The following KSR1 variants were observed in gnomAD, a reference collection of about 807,000 sequenced individuals.
The protein encoded by KSR1 is kinase suppressor of ras.
In KSR1, 35 loss-of-function variants were observed where a neutral mutation model predicts 92.9. That is an observed-to-expected ratio of 0.38 (90% CI 0.29 to 0.50). KSR1 has a LOEUF of 0.50. KSR1 is among the 20% of genes least tolerant of loss of function. The pLI is 0.94. For synonymous variants in KSR1, 467 were observed against 472.6 expected (o/e 0.99, Z 0.15); for missense variants, 972 against 1,158.5 (o/e 0.84, Z 2.34).
In KSR1 at chr17:27,577,847, T is replaced by A. The variant is rs1407660409; in HGVS notation, c.520+208T>A. 1.0e-5 allele frequency: 7 copies of A among 690,536 alleles called. No individual in the cohort carries two copies. Among genetic ancestry groups the A allele is most frequent in the Middle Eastern group, 2.3e-4 (1 of 4,308 alleles). The allele number at this position is 690,536 out of a possible 1,614,324, so 42.8% of individuals were successfully genotyped here. A position where few individuals can be genotyped will look rare whatever the true frequency, so the allele number is the denominator to read the frequency against. ...TCCTGGTGGGTCTGGCCAGGCCGAA[T>A]CTGAGGGGTTTCAGCCATGGTTAGA... On this transcript the variant is annotated intron_variant, in intron 3 of 20. Coordinates refer to ENST00000644974, the MANE Select transcript of KSR1 (RefSeq NM_001394583.1). The surrounding 1 kb of genome is among the most constrained non-coding windows in gnomAD (Gnocchi z 4.5).
In KSR1 at chr17:27,456,468, G is replaced by T; in HGVS notation, c.-176G>T. 1.9e-5 allele frequency: 7 copies of T among 370,208 alleles called. No homozygotes were observed. Among genetic ancestry groups the T allele is most frequent in the East Asian group, 8.4e-5 (2 of 23,928 alleles). 22.9% of individuals were successfully genotyped at this position (370,208 alleles called of 1,614,324 possible). On this transcript the variant is annotated 5_prime_UTR_variant, in exon 1 of 21. Coordinates refer to ENST00000644974, the MANE Select transcript of KSR1 (RefSeq NM_001394583.1). ...GTCGGGTCGCCGCGGCTTTCGCTTT[G>T]CTGCCGCGGCTGGGAGGGTGGAAGC... is the stretch of plus-strand genomic sequence containing the variant.
chr17:27,554,886 A>G (rs2071533453), intron 2 of KSR1, among the ~76,000 whole-genome samples: 1 of 152,156 alleles, frequency 6.6e-6, no homozygotes, highest in African/African-American at 2.4e-5. Flanking sequence ...ATTTACAGAA[A>G]AGTTGCAGGG....
Position 27,623,340 on chromosome 17 carries a change from G to A in KSR1, c.2735G>A (p.Arg912Gln), listed in dbSNP as rs768944130. 9 of 764,974 alleles carry A rather than the reference G, an allele frequency of 1.2e-5. No individual in the cohort carries two copies. Among genetic ancestry groups the A allele is most frequent in the African/African-American group, 3.4e-5 (2 of 59,096 alleles). The allele number at this position is 764,974 out of a possible 1,614,324, so 47.4% of individuals were successfully genotyped here. ...EYINSSKVVPRFERFGLGVLE... is the reference protein window; with the variant it reads ...EYINSSKVVPQFERFGLGVLE... ...ATTAACAGCAGCAAAGTTGTACCCC[G>A]GTTTGAAAGGTTTGGCTTGGGCGTC... Residue 912 changes from arginine (R) to glutamine (Q), a missense_variant, in exon 21 of 21, where the codon CGG becomes CAG. Arg to Gln is a conservative substitution (Grantham distance 43). Around this residue, in one of 5 missense-constraint regions of KSR1, gnomAD observed 46 missense variants for 39.0 expected, o/e 1.18. Transcript: ENST00000644974.
intron 1 of KSR1, among the ~76,000 whole-genome samples, chr17:27,481,932 GTGCTATGA>G (rs1178984226): frequency 6.6e-6 from 1 of 152,178 alleles, no homozygotes; most frequent in African/African-American, 2.4e-5. Flanking sequence ...TAAATCCTGA[GTGCTATGA>G]TGCTAGTTGT....
chr17:27,623,247 C>T (rs1038734840), intron 20 of KSR1, 67 bp from the exon 21 acceptor site: 6 of 726,624 alleles, frequency 8.3e-6, no homozygotes, highest in African/African-American at 6.9e-5. Flanking sequence ...CATTTCCTAG[C>T]TAGTGTTACC....
chr17:27,544,861 C>T (rs1487491023), intron 1 of KSR1, among the ~76,000 whole-genome samples: 1 of 152,258 alleles, frequency 6.6e-6, no homozygotes, highest in Non-Finnish European at 1.5e-5. Context: ...GCTTCTGTGA[C>T]TGCAACCAAC....
At chr17:27,599,818 C>CT (rs1200902844) in intron 10 of KSR1, among the ~76,000 whole-genome samples, 6 of 151,476 alleles carry the variant, frequency 4.0e-5, no homozygotes, top group South Asian at 2.1e-4. Context: ...TGTACAAAAA[C>CT]TTTTTTTTTG....
intron 1 of KSR1, among the ~76,000 whole-genome samples, chr17:27,524,840 G>T (rs1011654678): frequency 6.6e-6 from 1 of 152,208 alleles, no homozygotes; most frequent in African/African-American, 2.4e-5. Context: ...CAGGGAGGGG[G>T]CTCTGGGTTC....
intron 1 of KSR1, chr17:27,526,459 T>C (rs2070303140): frequency 6.3e-6 from 10 of 1,583,594 alleles, no homozygotes; most frequent in Admixed American, 5.4e-5. Flanking sequence ...TAGTTTTTTT[T>C]CCCAATACAT....
At chr17:27,504,230 C>G (rs545123530) in intron 1 of KSR1, among the ~76,000 whole-genome samples, 1 of 152,320 alleles carries the variant, frequency 6.6e-6, no homozygotes, top group African/African-American at 2.4e-5. Context: ...CTGCCGGGAT[C>G]CAGCAGCTGT....
chr17:27,529,361 A>G (rs1220461819), intron 1 of KSR1, among the ~76,000 whole-genome samples: 1 of 152,122 alleles, frequency 6.6e-6, no homozygotes, highest in South Asian at 2.1e-4. Flanking sequence ...ATGTTTGGCT[A>G]TTTTAAGTTA....
chr17:27,573,594 A>T (rs966931224), intron 2 of KSR1, among the ~76,000 whole-genome samples: 1 of 152,366 alleles, frequency 6.6e-6, no homozygotes, highest in South Asian at 2.1e-4. Context: ...TCTGTACCTC[A>T]CTTCTATTTT....
chr17:27,461,150 C>T lies in KSR1; in HGVS notation c.231+4276C>T, dbSNP rs549570052. 1.4e-4 allele frequency among the ~76,000 whole-genome samples: 21 copies of T among 152,286 alleles called. No individual in the cohort carries two copies. The South Asian group carries it at 2.3e-3, about 17-fold the overall frequency. On this transcript the variant is annotated intron_variant, in intron 1 of 20. Coordinates refer to ENST00000644974, the MANE Select transcript of KSR1 (RefSeq NM_001394583.1). Reference sequence around the variant, plus strand: ...AGGCTGGAGTACAGTGGCATGATCTCGGATCACTGCAATCTCAGCCTCCCA... The same window carrying T: ...AGGCTGGAGTACAGTGGCATGATCTTGGATCACTGCAATCTCAGCCTCCCA...
Position 27,577,717 on chromosome 17 carries a change from G to C in KSR1, c.520+78G>C, listed in dbSNP as rs1414965468. On this transcript the variant is annotated intron_variant, in intron 3 of 20. Transcript: ENST00000644974. This position sits in a 1 kb window ranked among gnomAD's most constrained non-coding sequence, Gnocchi z 4.5. ...GTGGCCTTCACTATGGTGGGTGATG[G>C]AGCGGGGCAAGCGTGGCCCAGGGTT... is the stretch of plus-strand genomic sequence containing the variant. 4 of 1,254,334 alleles carry C rather than the reference G, an allele frequency of 3.2e-6. No individual in the cohort carries two copies. In the East Asian group the frequency reaches 1.0e-4, roughly 32 times the overall value. The allele number at this position is 1,254,334 out of a possible 1,614,324, so 77.7% of individuals were successfully genotyped here.
chr17:27,473,070 G>A (rs1249382454), intron 1 of KSR1, among the ~76,000 whole-genome samples: 1 of 152,186 alleles, frequency 6.6e-6, no homozygotes, highest in Non-Finnish European at 1.5e-5. Flanking sequence ...TGCCCAGCTA[G>A]TACCCAGGTT....
At chr17:27,505,209 G>A (rs1366853833) in intron 1 of KSR1, among the ~76,000 whole-genome samples, 1 of 152,200 alleles carries the variant, frequency 6.6e-6, no homozygotes, top group African/African-American at 2.4e-5. Context: ...TGGCCAGTGA[G>A]AGGGAGCTGT....
intron 11 of KSR1, 52 bp from the exon 12 acceptor site, chr17:27,603,782 T>C (rs2073652561): frequency 6.3e-7 from 1 of 1,590,170 alleles, no homozygotes; most frequent in African/African-American, 1.3e-5. Flanking sequence ...GGTGTCTCTT[T>C]GGGGAGAGGA....
intron 1 of KSR1, among the ~76,000 whole-genome samples, chr17:27,517,338 T>C (rs2069838711): frequency 6.6e-6 from 1 of 151,476 alleles, no homozygotes; most frequent in South Asian, 2.1e-4. Context: ...TTTATTTTTA[T>C]TTTTTTTTGA....
At chr17:27,470,310 C>T (rs912751962) in intron 1 of KSR1, among the ~76,000 whole-genome samples, 6 of 146,622 alleles carry the variant, frequency 4.1e-5, no homozygotes, top group African/African-American at 1.5e-4. Flanking sequence ...GGTGCGATCT[C>T]GGCTCACTGC....
Sources: gnomAD v4.1 joint callset for allele counts (sites outside exome capture counted in the v4.1 genomes callset) on GRCh38, gnomAD v4.1.1 for gene constraint, gnomAD v4.1.1 regional missense constraint, Gnocchi (gnomAD v3.1) non-coding constraint, MANE v1.5 for transcripts, NCBI Gene and HGNC (gene_info 2026-07-23, HGNC 2026-07-21) for gene names.